The following ZNG1E variants were observed in gnomAD, a reference collection of about 807,000 sequenced individuals.
The protein encoded by ZNG1E is Zn regulated GTPase metalloprotein activator 1E.
the ZNG1E span, chr9:65,679,558 T>G: frequency 1.8e-6 from 1 of 557,378 alleles, no homozygotes; most frequent in South Asian, 2.7e-5. Flanking sequence ...ATTTTTTATT[T>G]TATTTTATTT....
At chr9:65,654,539 C>T in the ZNG1E span, among the ~76,000 whole-genome samples, 1 of 121,572 alleles carries the variant, frequency 8.2e-6, no homozygotes, top group African/African-American at 3.2e-5. Context: ...CAAGAGAGAG[C>T]AGGCATGTCA....
the ZNG1E span, among the ~76,000 whole-genome samples, chr9:65,663,152 C>T: frequency 6.6e-6 from 1 of 152,276 alleles, no homozygotes; most frequent in Admixed American, 6.5e-5. Flanking sequence ...CTTTTCTCTC[C>T]AATGTTTACT....
chr9:65,658,823 T>C, the ZNG1E span, among the ~76,000 whole-genome samples: 4 of 148,594 alleles, frequency 2.7e-5, no homozygotes, highest in African/African-American at 1.0e-4. Context: ...CTTCTAGTTG[T>C]GTCCTCATAC....
chr9:65,685,566 ATTAG>A, the ZNG1E span, among the ~76,000 whole-genome samples: 1 of 151,604 alleles, frequency 6.6e-6, no homozygotes, highest in African/African-American at 2.4e-5. Flanking sequence ...ACAACTTCTC[ATTAG>A]TTAAAGTTTT....
the ZNG1E span, among the ~76,000 whole-genome samples, chr9:65,662,073 T>C: frequency 6.6e-6 from 1 of 152,208 alleles, no homozygotes; most frequent in Non-Finnish European, 1.5e-5. Flanking sequence ...CTGACAAAGT[T>C]AACATTCTAG....
At chr9:65,719,886 C>G in the ZNG1E span, 26 of 1,240,148 alleles carry the variant, frequency 2.1e-5, no homozygotes, top group African/African-American at 3.4e-5. Context: ...GCCAGCTTTT[C>G]TCTATTGGAA....
chr9:65,697,470 A>C, the ZNG1E span, among the ~76,000 whole-genome samples: 3 of 91,756 alleles, frequency 3.3e-5, no homozygotes, highest in African/African-American at 1.1e-4. Flanking sequence ...TTTATAAATG[A>C]AAATAGCCAT....
chr9:65,714,577 T>C, the ZNG1E span, among the ~76,000 whole-genome samples: 10 of 151,938 alleles, frequency 6.6e-5, no homozygotes, highest in African/African-American at 2.4e-4. Flanking sequence ...GGATGTCCTT[T>C]CTGTTTGTTA....
the ZNG1E span, chr9:65,719,442 G>A: frequency 1.5e-5 from 2 of 132,144 alleles, no homozygotes; most frequent in African/African-American, 3.3e-5. Context: ...TATTATGGTT[G>A]TAATTTGTTA....
chr9:65,673,895 G>C, the ZNG1E span, among the ~76,000 whole-genome samples: 4 of 152,300 alleles, frequency 2.6e-5, no homozygotes, highest in African/African-American at 9.6e-5. Context: ...TGTCAAAGAA[G>C]GTGGTGAGGG....
chr9:65,719,828 A>G, the ZNG1E span: 8 of 632,892 alleles, frequency 1.3e-5, no homozygotes, highest in African/African-American at 2.0e-5. Context: ...GCATATGTAT[A>G]TATATGAATG....
the ZNG1E span, among the ~76,000 whole-genome samples, chr9:65,680,727 A>C: frequency 6.6e-6 from 1 of 152,268 alleles, no homozygotes; most frequent in South Asian, 2.1e-4. Flanking sequence ...AAGCATTTCA[A>C]ATATAGTTTA....
the ZNG1E span, among the ~76,000 whole-genome samples, chr9:65,663,063 G>A: frequency 6.6e-6 from 1 of 152,238 alleles, no homozygotes; most frequent in East Asian, 1.9e-4. Flanking sequence ...CACCAGCCAG[G>A]TAGGGCAAAG....
chr9:65,687,783 C>T, the ZNG1E span, among the ~76,000 whole-genome samples: 1 of 140,902 alleles, frequency 7.1e-6, no homozygotes, highest in African/African-American at 2.5e-5. Context: ...CTCCCTCCCT[C>T]CTTGAAGGCA....
the ZNG1E span, among the ~76,000 whole-genome samples, chr9:65,671,604 G>A: frequency 2.0e-5 from 3 of 152,246 alleles, no homozygotes; most frequent in Non-Finnish European, 2.9e-5. Flanking sequence ...ACAGGCATGA[G>A]CCACTGTGTC....
At chr9:65,664,558 G>A in the ZNG1E span, among the ~76,000 whole-genome samples, 3 of 109,006 alleles carry the variant, frequency 2.8e-5, no homozygotes, top group East Asian at 4.5e-4. Context: ...TTTGCAAATT[G>A]CCCAGTCTCA....
the ZNG1E span, among the ~76,000 whole-genome samples, chr9:65,709,771 G>A: frequency 1.5e-5 from 2 of 130,468 alleles, no homozygotes. Flanking sequence ...ATTTGGGTTG[G>A]TTCCAAGTCT....
the ZNG1E span, among the ~76,000 whole-genome samples, chr9:65,725,206 A>G: frequency 2.0e-5 from 3 of 146,542 alleles, no homozygotes; most frequent in African/African-American, 8.1e-5. Context: ...TATAACAACA[A>G]AATTGCCCAA....
chr9:65,659,558 G>T, the ZNG1E span, among the ~76,000 whole-genome samples: 2 of 151,580 alleles, frequency 1.3e-5, no homozygotes, highest in East Asian at 1.9e-4. Context: ...ACTTCACTGT[G>T]TCAGAGGATA....
Sources: gnomAD v4.1 joint callset for allele counts (sites outside exome capture counted in the v4.1 genomes callset) on GRCh38, gnomAD v4.1.1 for gene constraint, MANE v1.5 for transcripts, NCBI Gene and HGNC (gene_info 2026-07-23, HGNC 2026-07-21) for gene names.